The following CIB2 variants were observed in gnomAD, a reference collection of about 807,000 sequenced individuals.
The protein encoded by CIB2 is calcium and integrin binding family member 2.
A neutral mutation model predicts 23.1 loss-of-function variants in CIB2; 19 were observed. The ratio of observed to expected loss-of-function variants is 0.82; its 90% CI spans 0.57 to 1.21. CIB2 has a LOEUF of 1.21. Ranked by LOEUF, CIB2 falls within the 50% of genes most tolerant of loss-of-function variation. CIB2 has a pLI of 0.00. For synonymous variants in CIB2, 94 were observed against 91.7 expected (o/e 1.03, Z -0.14); for missense variants, 220 against 241.5 (o/e 0.91, Z 0.59).
chr15:78,120,988 C>G (rs2074310051), intron 2 of CIB2, among the ~76,000 whole-genome samples: 1 of 152,110 alleles, frequency 6.6e-6, no homozygotes. Context: ...GAGATGTGAA[C>G]AGTGGAGAGG....
chr15:78,114,475 G>A (rs1178870049), intron 2 of CIB2, among the ~76,000 whole-genome samples: 3 of 152,176 alleles, frequency 2.0e-5, no homozygotes, highest in African/African-American at 7.2e-5. Flanking sequence ...TCCAGGACCA[G>A]AAACCATACT....
intron 1 of CIB2, among the ~76,000 whole-genome samples, chr15:78,130,119 A>G (rs763208916): frequency 1.5e-4 from 23 of 152,186 alleles, no homozygotes; most frequent in Non-Finnish European, 3.1e-4. Context: ...ACAAGTGCCT[A>G]TGGAGACCCT....
At chr15:78,111,314 C>T in intron 2 of CIB2, 38 bp from the exon 3 acceptor site, 3 of 1,546,882 alleles carry the variant, frequency 1.9e-6, no homozygotes, top group Non-Finnish European at 2.7e-6. Context: ...GGAGGGGGTG[C>T]CATCCCTAAG....
At chr15:78,124,482 T>G (rs3784329) in intron 1 of CIB2, among the ~76,000 whole-genome samples, 3,801 of 152,082 alleles carry the variant, frequency 0.025, 155 homozygotes, top group African/African-American at 0.088. Context: ...GTCCTGTCTT[T>G]GTTTAGATGA....
chr15:78,111,173 C>A lies in CIB2; in HGVS notation c.190G>T (p.Glu64Ter). The A allele has an allele frequency of 6.2e-7, 1 of 1,614,110 alleles. No homozygotes were observed. The highest frequency in any genetic ancestry group is 8.5e-7 in the Non-Finnish European group (1 of 1,179,962). ...AGAGGTCCTGCACATACCCGGAGCTCTGGCATCTGGATGATGAGGCTCATG... is the reference window on the plus strand; with the variant it reads ...AGAGGTCCTGCACATACCCGGAGCTATGGCATCTGGATGATGAGGCTCATG... ...VPMSLIIQMPELRENPFKERI... is the reference protein window; with the variant it reads ...VPMSLIIQMP The change falls in exon 3 of 6, where the codon GAG (glutamate) becomes TAG (stop). Residue 64 changes from glutamate (E) to a stop codon, truncating the protein, a stop_gained. Transcript: ENST00000258930. LOFTEE classifies it high-confidence loss of function.
At chr15:78,129,733 T>C (rs758045290) in intron 1 of CIB2, among the ~76,000 whole-genome samples, 2 of 151,940 alleles carry the variant, frequency 1.3e-5, no homozygotes, top group Admixed American at 6.6e-5. Flanking sequence ...AAAGCACACA[T>C]GGCCCAGCCC....
intron 1 of CIB2, among the ~76,000 whole-genome samples, chr15:78,124,235 G>A (rs978444231): frequency 2.0e-5 from 3 of 152,092 alleles, no homozygotes; most frequent in Non-Finnish European, 2.9e-5. Context: ...ACATAGACTG[G>A]GGAAGCATCA....
chr15:78,118,816 C>T (rs1243511511), intron 2 of CIB2, among the ~76,000 whole-genome samples: 1 of 152,082 alleles, frequency 6.6e-6, no homozygotes, highest in Non-Finnish European at 1.5e-5. Context: ...AAACTCTGTA[C>T]TAATCAATAA....
chr15:78,123,589 A>T, intron 2 of CIB2, 116 bp downstream of exon 2: 1 of 1,063,642 alleles, frequency 9.4e-7, no homozygotes, highest in Non-Finnish European at 1.5e-6. Context: ...GTGGCTCCTG[A>T]TACATGCTGA....
At chr15:78,125,307 C>G (rs1179229530) in intron 1 of CIB2, among the ~76,000 whole-genome samples, 2 of 152,170 alleles carry the variant, frequency 1.3e-5, no homozygotes, top group African/African-American at 2.4e-5. Context: ...TTTCCATGGT[C>G]TAAGGTGCCC....
rs201845656 is a variant in CIB2, at chr15:78,111,266, G to A, written c.97C>T (p.Arg33Ter). The A allele has an allele frequency of 4.3e-5, 69 of 1,613,778 alleles. No individual in the cohort carries two copies. The highest frequency in any genetic ancestry group is 6.7e-5 in the East Asian group (3 of 44,888). The change falls in exon 3 of 6, where the codon CGA (arginine) becomes TGA (stop). Residue 33 changes from arginine to a stop codon, truncating the protein, a stop_gained. Coordinates refer to ENST00000258930, the MANE Select transcript of CIB2 (RefSeq NM_006383.4). LOFTEE classifies it high-confidence loss of function. ...AGGTTGGGGGCCAGCTCATAGAATC[G>A]CGAATGCAGCCTTGGAGGAAAGCAG... Reference protein sequence around the residue: ...NKKDILKLHSRFYELAPNLVP... With the variant: ...NKKDILKLHS
At position 78,123,720 on chromosome 15, in the gene CIB2, T is replaced by G. The variant is rs2074348761; in HGVS notation, c.71A>C (p.Lys24Thr). 1.9e-6 allele frequency: 3 copies of G among 1,613,980 alleles called. No individual in the cohort carries two copies. Among genetic ancestry groups the G allele is most frequent in the African/African-American group, 1.3e-5 (1 of 74,910 alleles). Residue 24 changes from lysine (K) to threonine (T), a missense_variant, in exon 2 of 6, where the codon AAG (lysine) becomes ACG (threonine). Physicochemically the swap from Lys to Thr is moderately conservative, Grantham distance 78. Coordinates refer to ENST00000258930, the MANE Select transcript of CIB2 (RefSeq NM_006383.4). ...CCACACTTACTTGAGGATGTCCTTC[T>G]TATTGAAGAAGGTGCAGTCCTGTTG... Reference protein sequence around the residue: ...DNYQDCTFFNKKDILKLHSRF... With the variant: ...DNYQDCTFFNTKDILKLHSRF...
At chr15:78,119,635 C>T (rs1479547850) in intron 2 of CIB2, among the ~76,000 whole-genome samples, 9 of 151,712 alleles carry the variant, frequency 5.9e-5, no homozygotes, top group South Asian at 4.2e-4. Context: ...GGCATGATCT[C>T]GGCTCACTGC....
chr15:78,105,067 G>A lies in CIB2; in HGVS notation c.*244C>T, dbSNP rs183764048. 5.8e-4 allele frequency: 313 copies of A among 538,192 alleles called. No homozygotes were observed. The highest frequency in any genetic ancestry group is 4.6e-3 in the African/African-American group (244 of 52,540). The allele number at this position is 538,192 out of a possible 1,614,324, so 33.3% of individuals were successfully genotyped here. On this transcript the variant is annotated 3_prime_UTR_variant, in exon 6 of 6. Coordinates refer to ENST00000258930, the MANE Select transcript of CIB2 (RefSeq NM_006383.4). ...AGGACTGGGGCATGGGGCGGGGTGC[G>A]GAGGGCCTGGAGAGAGGCCATGGGT...
At chr15:78,125,570 T>C (rs890763128) in intron 1 of CIB2, among the ~76,000 whole-genome samples, 3 of 152,228 alleles carry the variant, frequency 2.0e-5, no homozygotes, top group Admixed American at 6.5e-5. Flanking sequence ...CCTACATCAA[T>C]GGTCCTCACG....
chr15:78,107,320 A>C (rs1056878841), intron 4 of CIB2, among the ~76,000 whole-genome samples: 1 of 152,168 alleles, frequency 6.6e-6, no homozygotes, highest in Non-Finnish European at 1.5e-5. Flanking sequence ...CTAGAGCCCA[A>C]GCTCTTGGGG....
chr15:78,117,099 A>C (rs2074250531), intron 2 of CIB2, among the ~76,000 whole-genome samples: 1 of 151,820 alleles, frequency 6.6e-6, no homozygotes, highest in Non-Finnish European at 1.5e-5. Flanking sequence ...CTGATCGGAA[A>C]GACTTAATGC....
chr15:78,112,974 T>G (rs1173086073), intron 2 of CIB2, among the ~76,000 whole-genome samples: 2 of 152,338 alleles, frequency 1.3e-5, no homozygotes, highest in Non-Finnish European at 2.9e-5. Context: ...GAACTAATCT[T>G]CTCTGTGGAT....
chr15:78,114,908 A>G (rs1306644114), intron 2 of CIB2, among the ~76,000 whole-genome samples: 2 of 151,662 alleles, frequency 1.3e-5, no homozygotes, highest in East Asian at 3.9e-4. Context: ...AAAAAAAAAA[A>G]GATAAGTAAA....
Sources: allele counts gnomAD v4.1 joint callset (sites outside exome capture counted in the v4.1 genomes callset), GRCh38; gene constraint gnomAD v4.1.1; transcripts MANE v1.5; gene names NCBI Gene and HGNC (gene_info 2026-07-23, HGNC 2026-07-21).